The following BTRC variants were observed in gnomAD, a reference collection of about 807,000 sequenced individuals.
The protein encoded by BTRC is beta-transducin repeat containing E3 ubiquitin protein ligase.
A neutral mutation model predicts 85.5 loss-of-function variants in BTRC; 42 were observed. The observed-to-expected ratio is 0.49, with a 90% CI of 0.38 to 0.64. The LOEUF (loss-of-function observed/expected upper bound fraction) is 0.64, where lower values mean the gene tolerates loss of function less well. Among genes scored for constraint, BTRC ranks in the 30% least tolerant of loss-of-function variants. The pLI is 0.00. For missense variants in BTRC, 594 were observed against 743.5 expected, an observed-to-expected ratio of 0.80 and a Z score of 2.34; for synonymous variants, 255 against 263.3, an observed-to-expected ratio of 0.97 and a Z score of 0.30.
Position 101,475,942 on chromosome 10 carries a change from TA to T in BTRC, c.235-3425del, listed in dbSNP as rs1564795634. On this transcript the variant is annotated intron_variant, in intron 3 of 14. Transcript: ENST00000370187. ...TTTGCCATATATATATATATATATATATATATATATATTCAGTAATTCCTAA... is the reference window on the plus strand; with the variant it reads ...TTTGCCATATATATATATATATATATTATATATATATTCAGTAATTCCTAA... Among the ~76,000 whole-genome samples the T allele has an allele frequency of 3.9e-5, 5 of 129,818 alleles. 1 individual carries two copies. Among genetic ancestry groups the T allele is most frequent in the African/African-American group, 8.4e-5 (3 of 35,682 alleles). 85.2% of individuals were successfully genotyped at this position (129,818 alleles called of 152,430 possible).
At chr10:101,412,548 T>A (rs958399090) in intron 1 of BTRC, among the ~76,000 whole-genome samples, 1 of 152,244 alleles carries the variant, frequency 6.6e-6, no homozygotes, top group Non-Finnish European at 1.5e-5. Flanking sequence ...AGTCTAGTGC[T>A]TGTTTTTACT....
intron 13 of BTRC, among the ~76,000 whole-genome samples, chr10:101,547,377 A>T (rs534186900): frequency 1.1e-5 from 1 of 94,054 alleles, no homozygotes; most frequent in Non-Finnish European, 1.9e-5. Flanking sequence ...CACTCTTGTT[A>T]CCCAGGCTGG....
intron 1 of BTRC, among the ~76,000 whole-genome samples, chr10:101,360,322 T>C (rs1942165686): frequency 1.3e-5 from 2 of 151,142 alleles, no homozygotes; most frequent in Admixed American, 6.6e-5. Context: ...CCCAAAGTGC[T>C]GGGATTACAG....
intron 1 of BTRC, among the ~76,000 whole-genome samples, chr10:101,383,164 A>C (rs1942981150): frequency 6.7e-6 from 1 of 150,120 alleles, no homozygotes; most frequent in Non-Finnish European, 1.5e-5. Context: ...CCCAGGCTCA[A>C]GTGATCCTCC....
chr10:101,472,670 C>T (rs1179816547), intron 3 of BTRC, among the ~76,000 whole-genome samples: 1 of 152,170 alleles, frequency 6.6e-6, no homozygotes, highest in Non-Finnish European at 1.5e-5. Context: ...CAAAAATTAT[C>T]TGGGCATGGT....
At chr10:101,472,772 T>C (rs1420991703) in intron 3 of BTRC, among the ~76,000 whole-genome samples, 1 of 152,130 alleles carries the variant, frequency 6.6e-6, no homozygotes, top group East Asian at 1.9e-4. Flanking sequence ...ATAAAAATAT[T>C]ATTCGCTTGT....
At position 101,552,335 on chromosome 10, in the gene BTRC, C is replaced by G. The variant is rs575714929; in HGVS notation, c.*32-820C>G. Among the ~76,000 whole-genome samples, 10 of 150,586 alleles carry G rather than the reference C, an allele frequency of 6.6e-5. No homozygotes were observed. The South Asian group carries it at 2.1e-3, about 32-fold the overall frequency. ...TCCTGAGTACCGCGGGCACACAACA[C>G]CATGACCAGCTAATTGTTTGTATTT... On this transcript the variant is annotated intron_variant, in intron 14 of 14. Transcript: ENST00000370187.
intron 2 of BTRC, among the ~76,000 whole-genome samples, chr10:101,460,002 T>C (rs1945182000): frequency 6.6e-6 from 1 of 152,218 alleles, no homozygotes; most frequent in Non-Finnish European, 1.5e-5. Flanking sequence ...GGCTCCAAGT[T>C]ATATGATAAC....
At chr10:101,543,705 C>T (rs555818665) in intron 13 of BTRC, among the ~76,000 whole-genome samples, 7 of 151,602 alleles carry the variant, frequency 4.6e-5, no homozygotes, top group African/African-American at 1.5e-4. Context: ...CTAGGGTTTA[C>T]AATAGTTATC....
intron 4 of BTRC, among the ~76,000 whole-genome samples, chr10:101,518,547 T>C (rs1443629758): frequency 1.3e-5 from 2 of 151,942 alleles, no homozygotes; most frequent in Non-Finnish European, 2.9e-5. Context: ...ATGGGAGGAG[T>C]AGCATTCATG....
chr10:101,407,086 G>C (rs1178582164), intron 1 of BTRC, among the ~76,000 whole-genome samples: 1 of 152,186 alleles, frequency 6.6e-6, no homozygotes, highest in Non-Finnish European at 1.5e-5. Context: ...AGCTGGGCAA[G>C]GTGGCTCATG....
chr10:101,504,938 A>T (rs1016557597), intron 4 of BTRC, among the ~76,000 whole-genome samples: 28 of 151,452 alleles, frequency 1.8e-4, no homozygotes, highest in Admixed American at 4.0e-4. Flanking sequence ...AATAAATTTT[A>T]AAAAAATTTT....
At chr10:101,435,036 C>T (rs770289891) in intron 2 of BTRC, among the ~76,000 whole-genome samples, 2 of 151,874 alleles carry the variant, frequency 1.3e-5, no homozygotes, top group Non-Finnish European at 2.9e-5. Flanking sequence ...TCAGCACACA[C>T]AGGTGCTTGA....
In BTRC at chr10:101,550,699, G is replaced by C. The variant is rs201997979; in HGVS notation, c.1657G>C (p.Glu553Gln). 2 of 1,610,370 alleles carry C rather than the reference G, an allele frequency of 1.2e-6. No homozygotes were observed. Among genetic ancestry groups the C allele is most frequent in the Non-Finnish European group, 1.7e-6 (2 of 1,176,978 alleles). Residue 553 changes from glutamate to glutamine, a missense_variant and splice_region_variant, in exon 14 of 15, where the codon GAG (glutamate) becomes CAG (glutamine). Glu to Gln is a conservative substitution (Grantham distance 29). Coordinates refer to ENST00000370187, the MANE Select transcript of BTRC (RefSeq NM_033637.4). ...ACCCTTTTTGTTTCTACTTCTTTAG[G>C]AGCATTCCGGAAGAGTTTTTCGACT... ...AGTLCLRTLV[E>Q]HSGRVFRLQF...
At chr10:101,509,719 A>ATTTTT (rs549474862) in intron 4 of BTRC, among the ~76,000 whole-genome samples, 1 of 120,342 alleles carries the variant, frequency 8.3e-6, no homozygotes, top group African/African-American at 3.5e-5. Flanking sequence ...CACACAGCTA[A>ATTTTT]TTTTTTTTTT....
chr10:101,490,646 A>G (rs949622624), intron 4 of BTRC, among the ~76,000 whole-genome samples: 1 of 152,174 alleles, frequency 6.6e-6, no homozygotes, highest in African/African-American at 2.4e-5. Flanking sequence ...TCATTTCTAT[A>G]GCACTTTGAC....
At chr10:101,382,745 CT>C (rs1942967716) in intron 1 of BTRC, among the ~76,000 whole-genome samples, 1 of 152,122 alleles carries the variant, frequency 6.6e-6, no homozygotes, top group Non-Finnish European at 1.5e-5. Flanking sequence ...GGTGATTCTT[CT>C]GTGGTAGTTG....
intron 4 of BTRC, among the ~76,000 whole-genome samples, chr10:101,493,686 G>T (rs1946191397): frequency 6.6e-6 from 1 of 151,970 alleles, no homozygotes; most frequent in African/African-American, 2.4e-5. Context: ...TCTTAGGTTT[G>T]TTTTTCTTCT....
chr10:101,420,630 C>T lies in BTRC; in HGVS notation c.49-9715C>T, dbSNP rs1944075625. On this transcript the variant is annotated intron_variant, in intron 1 of 14. Transcript: ENST00000370187. ...GCTCTGTCACCTCATGCTGGGTCCC[C>T]CTCCCAGCAGATTTTTTCCTATCAC... Among the ~76,000 whole-genome samples, 3 of 152,004 alleles carry T rather than the reference C, an allele frequency of 2.0e-5. No homozygotes were observed. The South Asian group carries it at 6.3e-4, about 32-fold the overall frequency.
Sources: allele counts gnomAD v4.1 joint callset (sites outside exome capture counted in the v4.1 genomes callset), GRCh38; gene constraint gnomAD v4.1.1; transcripts MANE v1.5; gene names NCBI Gene and HGNC (gene_info 2026-07-23, HGNC 2026-07-21).